The following UPP2 variants were observed in gnomAD, a reference collection of about 807,000 sequenced individuals.
UPP2 encodes uridine phosphorylase 2.
Under a neutral mutation model 26.7 loss-of-function variants are expected in UPP2, and 23 were observed. The observed-to-expected ratio is 0.86, with a 90% CI of 0.62 to 1.22. UPP2 has a LOEUF of 1.22. Ranked by LOEUF, UPP2 falls within the 50% of genes most tolerant of loss-of-function variation. UPP2 has a pLI of 0.00. For missense variants in UPP2, 387 were observed against 396.7 expected, an observed-to-expected ratio of 0.98 and a Z score of 0.21; for synonymous variants, 127 against 141.3, an observed-to-expected ratio of 0.90 and a Z score of 0.72.
Position 158,082,209 on chromosome 2 carries a change from CA to C in UPP2, c.148-19828del, listed in dbSNP as rs1479074078. On this transcript the variant is annotated intron_variant, in intron 3 of 9. Transcript: ENST00000605860. ...AAGTAATCTGCCTGCCTTGGCCTCC[CA>C]AAGTGCTGGGATTACAGGCATGAGC... Among the ~76,000 whole-genome samples, 12 of 152,196 alleles carry C rather than the reference CA, an allele frequency of 7.9e-5. No homozygotes were observed. The East Asian group carries it at 2.3e-3, about 29-fold the overall frequency.
intron 3 of UPP2, among the ~76,000 whole-genome samples, chr2:158,071,147 G>A (rs1212478792): frequency 6.6e-6 from 1 of 152,140 alleles, no homozygotes; most frequent in Non-Finnish European, 1.5e-5. Flanking sequence ...GCTGGGCTAG[G>A]ATTAGAGCCA....
intron 3 of UPP2, among the ~76,000 whole-genome samples, chr2:158,078,690 T>A (rs953852019): frequency 6.6e-6 from 1 of 151,856 alleles, no homozygotes; most frequent in African/African-American, 2.4e-5. Flanking sequence ...CAAAAAGTAG[T>A]TAGAAAGAAT....
At position 158,037,956 on chromosome 2, in the gene UPP2, T is replaced by C. The variant is rs565928277; in HGVS notation, c.147+22070T>C. Among the ~76,000 whole-genome samples, 60 of 152,280 alleles carry C rather than the reference T, an allele frequency of 3.9e-4. No individual in the cohort carries two copies. In the South Asian group the frequency reaches 0.012, roughly 30 times the overall value. Reference sequence around the variant, plus strand: ...AAAGCAACATCTTAGATGGTTTTGATTTATGGTGGCAGGTTCATGGGCCCT... The same window carrying C: ...AAAGCAACATCTTAGATGGTTTTGACTTATGGTGGCAGGTTCATGGGCCCT... On this transcript the variant is annotated intron_variant, in intron 3 of 9. Transcript: ENST00000605860.
At position 158,111,981 on chromosome 2, in the gene UPP2, C is replaced by T. The variant is rs186989353; in HGVS notation, c.181-3120C>T. On this transcript the variant is annotated intron_variant, in intron 2 of 6. Transcript: ENST00000005756. Reference sequence around the variant, plus strand: ...AAGCTCTAAGTAAATGGGAAGACATCCTATGCTTATGGATTGCAAGATTTA... The same window carrying T: ...AAGCTCTAAGTAAATGGGAAGACATTCTATGCTTATGGATTGCAAGATTTA... Among the ~76,000 whole-genome samples, 395 of 152,168 alleles carry T rather than the reference C, an allele frequency of 2.6e-3. 1 individual carries two copies. The highest frequency in any genetic ancestry group is 0.017 in the Middle Eastern group (5 of 294).
intron 2 of UPP2, among the ~76,000 whole-genome samples, chr2:158,014,151 G>T (rs1683624294): frequency 6.6e-6 from 1 of 152,210 alleles, no homozygotes; most frequent in African/African-American, 2.4e-5. Flanking sequence ...AGCCTGTTCT[G>T]CAGCTCCAAG....
intron 3 of UPP2, among the ~76,000 whole-genome samples, chr2:158,072,988 T>C (rs1466282462): frequency 6.6e-6 from 1 of 152,020 alleles, no homozygotes; most frequent in Non-Finnish European, 1.5e-5. Context: ...CTAAATAAGG[T>C]ACCATGGACC....
At chr2:158,055,234 C>T (rs1054643866) in intron 3 of UPP2, among the ~76,000 whole-genome samples, 1 of 152,158 alleles carries the variant, frequency 6.6e-6, no homozygotes, top group African/African-American at 2.4e-5. Flanking sequence ...AGGGGCTGAG[C>T]ATGCTAATGT....
intron 3 of UPP2, among the ~76,000 whole-genome samples, chr2:158,092,551 C>A (rs1240677507): frequency 6.6e-6 from 1 of 152,142 alleles, no homozygotes; most frequent in East Asian, 1.9e-4. Context: ...AAAGCCCATG[C>A]TGAAGAACTA....
intron 6 of UPP2, among the ~76,000 whole-genome samples, chr2:158,128,327 C>T (rs1351213148): frequency 6.6e-6 from 1 of 152,188 alleles, no homozygotes; most frequent in Non-Finnish European, 1.5e-5. Context: ...TTATATTCTT[C>T]TGCTGTTCCC....
intron 3 of UPP2, among the ~76,000 whole-genome samples, chr2:158,035,432 GC>G (rs1197885592): frequency 6.6e-6 from 1 of 152,186 alleles, no homozygotes; most frequent in Non-Finnish European, 1.5e-5. Flanking sequence ...GGAATTACAG[GC>G]ATGAGCCACC....
intron 5 of UPP2, among the ~76,000 whole-genome samples, chr2:158,123,081 G>A (rs1458874755): frequency 6.6e-6 from 1 of 152,180 alleles, no homozygotes; most frequent in Admixed American, 6.5e-5. Flanking sequence ...GGCATTAGGA[G>A]GTCTATTTCT....
chr2:158,117,983 A>G (rs760152089), intron 4 of UPP2, 45 bp downstream of exon 4: 31 of 1,508,128 alleles, frequency 2.1e-5, no homozygotes, highest in Admixed American at 3.4e-5. Context: ...TGATCCTTAC[A>G]TACATGGTAG....
chr2:158,074,220 T>A (rs1027468209), intron 3 of UPP2, among the ~76,000 whole-genome samples: 1 of 151,880 alleles, frequency 6.6e-6, no homozygotes, highest in Non-Finnish European at 1.5e-5. Flanking sequence ...AGAAAATACA[T>A]CATCTGAAGA....
intron 6 of UPP2, among the ~76,000 whole-genome samples, chr2:158,125,766 G>C (rs2105230840): frequency 6.6e-6 from 1 of 152,280 alleles, no homozygotes; most frequent in South Asian, 2.1e-4. Context: ...CTCTTTTAGA[G>C]AACAAGAGCA....
At chr2:158,028,835 C>T (rs1247110759) in intron 3 of UPP2, among the ~76,000 whole-genome samples, 1 of 152,142 alleles carries the variant, frequency 6.6e-6, no homozygotes, top group Non-Finnish European at 1.5e-5. Flanking sequence ...AAGCAGAGAC[C>T]CCCTGATAAA....
chr2:157,998,532 C>A (rs144873017), intron 2 of UPP2, among the ~76,000 whole-genome samples: 1 of 152,062 alleles, frequency 6.6e-6, no homozygotes. Flanking sequence ...CCAGGCACAG[C>A]GGCTCATGCC....
At chr2:158,079,041 T>C (rs965174837) in intron 3 of UPP2, among the ~76,000 whole-genome samples, 1 of 152,096 alleles carries the variant, frequency 6.6e-6, no homozygotes, top group African/African-American at 2.4e-5. Flanking sequence ...TGAGATCAGA[T>C]GGTTTTATAA....
chr2:158,116,830 C>T (rs1159170754), intron 3 of UPP2, among the ~76,000 whole-genome samples: 1 of 152,196 alleles, frequency 6.6e-6, no homozygotes, highest in Non-Finnish European at 1.5e-5. Context: ...CAAATCAATA[C>T]AAGTTCGATG....
chr2:158,119,006 G>T (rs1484953390), intron 4 of UPP2, among the ~76,000 whole-genome samples: 1 of 152,036 alleles, frequency 6.6e-6, no homozygotes, highest in Non-Finnish European at 1.5e-5. Context: ...TAGAGTGCTA[G>T]CAATAAGTGT....
Sources: allele counts gnomAD v4.1 joint callset (sites outside exome capture counted in the v4.1 genomes callset), GRCh38; gene constraint gnomAD v4.1.1; transcripts MANE v1.5; gene names NCBI Gene and HGNC (gene_info 2026-07-23, HGNC 2026-07-21).